Variants in CIITA observed in about 807,000 individuals in gnomAD.
The protein encoded by CIITA is MHC class II transactivator.
Under a neutral mutation model 115.1 loss-of-function variants are expected in CIITA, and 72 were observed. The observed-to-expected ratio is 0.63, with a 90% CI of 0.52 to 0.76. The LOEUF is 0.76. CIITA is among the 30% of genes least tolerant of loss of function. The pLI is 0.00. For missense variants in CIITA, 1,617 were observed against 1,463.8 expected (o/e 1.10, Z -1.71); for synonymous variants, 763 against 635.6 (o/e 1.20, Z -3.02).
chr16:10,906,471 C>A, intron 10 of CIITA, 28 bp from the exon 11 acceptor site: 1 of 1,610,438 alleles, frequency 6.2e-7, no homozygotes, highest in Non-Finnish European at 8.5e-7. Context: ...CACATACCCC[C>A]ACCCTGACAC....
At chr16:10,918,309 C>T in intron 15 of CIITA, 131 bp from the exon 16 acceptor site, 1 of 860,944 alleles carries the variant, frequency 1.2e-6, no homozygotes, top group Non-Finnish European at 2.0e-6. Context: ...ACAGTATCCT[C>T]CTATTTACCG....
At chr16:10,914,990 T>C in intron 13 of CIITA, 1 of 451,938 alleles carries the variant, frequency 2.2e-6, no homozygotes, top group South Asian at 1.6e-5. Flanking sequence ...GCTCCCTACT[T>C]AGAGACAAAA....
Position 10,914,980 on chromosome 16 carries a change from G to A in CIITA, c.2889-590G>A, listed in dbSNP as rs2039849275. 9.0e-6 allele frequency: 4 copies of A among 446,580 alleles called. No individual in the cohort carries two copies. In the Admixed American group the frequency reaches 9.9e-5, roughly 11 times the overall value. 27.7% of individuals were successfully genotyped at this position (446,580 alleles called of 1,614,324 possible). ...TGGATGTTGGGAAGAGTAAGAACTG[G>A]CTCCCTACTTAGAGACAAAAGCTGG... On this transcript the variant is annotated intron_variant, in intron 13 of 19. Coordinates refer to ENST00000324288, the MANE Select transcript of CIITA (RefSeq NM_000246.4).
rs974254382 is a variant in CIITA, at chr16:10,925,562, A to C, written c.*1707A>C. The C allele has an allele frequency of 3.3e-5, 5 of 152,388 alleles. No homozygotes were observed. The highest frequency in any genetic ancestry group is 1.2e-4 in the African/African-American group (5 of 41,458). The allele number at this position is 152,388 out of a possible 1,614,324, so 9.4% of individuals were successfully genotyped here. On this transcript the variant is annotated 3_prime_UTR_variant, in exon 20 of 20. Transcript: ENST00000324288. ...TGGCCTCAAGTGATTCTCCTGCCTC[A>C]GCCTCCCAAAGTGCTGGGATTACAG... is the stretch of plus-strand genomic sequence containing the variant.
In CIITA at chr16:10,920,559, T is replaced by C. The variant is rs537955964; in HGVS notation, c.3150-1608T>C. ...ACCATGCCCAGCCTGATTTACCCTT[T>C]AAGAAACATCATATTTCATGGAATC... On this transcript the variant is annotated intron_variant, in intron 16 of 19. Coordinates refer to ENST00000324288, the MANE Select transcript of CIITA (RefSeq NM_000246.4). The surrounding 1 kb of genome is among the most constrained non-coding windows in gnomAD (Gnocchi z 4.5). Among the ~76,000 whole-genome samples, 13 of 152,310 alleles carry C rather than the reference T, an allele frequency of 8.5e-5. No individual in the cohort carries two copies. The East Asian group carries it at 1.5e-3, about 18-fold the overall frequency.
chr16:10,889,386 G>C (rs765496011), intron 1 of CIITA, among the ~76,000 whole-genome samples: 11 of 152,050 alleles, frequency 7.2e-5, no homozygotes, highest in Non-Finnish European at 1.6e-4. Context: ...TAGAGTCTTG[G>C]GCCTGAATTT....
Position 10,923,284 on chromosome 16 carries a change from C to T in CIITA, c.3374C>T (p.Ser1125Leu). The T allele has an allele frequency of 1.2e-6, 2 of 1,613,694 alleles. No individual in the cohort carries two copies. The highest frequency in any genetic ancestry group is 1.7e-6 in the Non-Finnish European group (2 of 1,179,964). Reference sequence around the variant, plus strand: ...CAGGAACACCTGCAACAACAGGATTCACGGATCAGCCTGAGATGATCCCAG... The same window carrying T: ...CAGGAACACCTGCAACAACAGGATTTACGGATCAGCCTGAGATGATCCCAG... ...SVQEHLQQQD[S>L]RISLR Residue 1125 changes from serine to leucine, a missense_variant, in exon 19 of 20, where the codon TCA becomes TTA. Ser to Leu is a moderately radical substitution (Grantham distance 145). Transcript: ENST00000324288. The surrounding 1 kb of genome is among the most constrained non-coding windows in gnomAD (Gnocchi z 5.2).
intron 13 of CIITA, among the ~76,000 whole-genome samples, chr16:10,912,442 T>G (rs1596575492): frequency 6.6e-6 from 1 of 152,158 alleles, no homozygotes; most frequent in Admixed American, 6.5e-5. Flanking sequence ...ATATATAATC[T>G]CATTAATCTC....
At position 10,927,780 on chromosome 16, in the gene CIITA, T is replaced by C. The variant is rs1046094119; in HGVS notation, c.*3925T>C. ...GTGTCACAGATCTAAGTGATACTTA[T>C]AGTCACACTCCTATAAAGGAATGGA... On this transcript the variant is annotated 3_prime_UTR_variant, in exon 20 of 20. Transcript: ENST00000324288. 4 of 152,232 alleles carry C rather than the reference T, an allele frequency of 2.6e-5. No individual in the cohort carries two copies. Among genetic ancestry groups the C allele is most frequent in the African/African-American group, 7.2e-5 (3 of 41,460 alleles). The allele number at this position is 152,232 out of a possible 1,614,324, so 9.4% of individuals were successfully genotyped here. A position where few individuals can be genotyped will look rare whatever the true frequency, so the allele number is the denominator to read the frequency against.
chr16:10,871,697 A>C (rs766644365), intron 1 of CIITA, among the ~76,000 whole-genome samples: 5 of 152,094 alleles, frequency 3.3e-5, no homozygotes, highest in Non-Finnish European at 7.4e-5. Context: ...GTGCCCTCTC[A>C]CCTTCTGGGC....
At chr16:10,891,625 T>C (rs915513706) in intron 1 of CIITA, among the ~76,000 whole-genome samples, 1 of 152,088 alleles carries the variant, frequency 6.6e-6, no homozygotes, top group Non-Finnish European at 1.5e-5. Flanking sequence ...GCAATGTAGG[T>C]TCTTAATAAA....
chr16:10,895,678 C>T lies in CIITA; in HGVS notation c.209C>T (p.Thr70Ile), dbSNP rs1567391224. The T allele has an allele frequency of 6.2e-7, 1 of 1,614,178 alleles. No individual in the cohort carries two copies. Among genetic ancestry groups the T allele is most frequent in the Non-Finnish European group, 8.5e-7 (1 of 1,180,018 alleles). The change falls in exon 3 of 20, where the codon ACA (threonine) becomes ATA (isoleucine). Residue 70 changes from threonine (T) to isoleucine (I), a missense_variant. Transcript: ENST00000324288. ...EEIELYSEPD[T>I]DTINCDQFSR... ...GGACTTTTCCTCCCAGAACCCGACA[C>T]AGACACCATCAACTGCGACCAGTTC... is the stretch of plus-strand genomic sequence containing the variant.
At chr16:10,872,269 C>T (rs974149041), upstream of CIITA, among the ~76,000 whole-genome samples, 4 of 151,962 alleles carry the variant, frequency 2.6e-5, no homozygotes, top group Admixed American at 1.3e-4. Context: ...ATTACAGGCG[C>T]CTGCCACCAT....
In CIITA at chr16:10,935,988, A is replaced by AT. The variant is rs36044639; in HGVS notation, c.*12147dup. ...ATTGTTAAGGGACACTACTGGGACA[A>AT]TTTTTTTTTTTTTTCGTTTTGAGAC... On this transcript the variant is annotated 3_prime_UTR_variant, in exon 20 of 20. Transcript: ENST00000324288. 0.45 allele frequency: 65,613 copies of AT among 145,776 alleles called. 16,208 individuals are homozygous for AT. The highest frequency in any genetic ancestry group is 0.66 in the East Asian group (3,319 of 5,018). 9.0% of individuals were successfully genotyped at this position (145,776 alleles called of 1,614,324 possible).
At position 10,901,659 on chromosome 16, in the gene CIITA, G is replaced by A. The variant is rs2038769090; in HGVS notation, c.481+101G>A. 2 of 1,275,874 alleles carry A rather than the reference G, an allele frequency of 1.6e-6. No homozygotes were observed. The highest frequency in any genetic ancestry group is 2.2e-6 in the Non-Finnish European group (2 of 897,372). 79.0% of individuals were successfully genotyped at this position (1,275,874 alleles called of 1,614,324 possible). A position where few individuals can be genotyped will look rare whatever the true frequency, so the allele number is the denominator to read the frequency against. Reference sequence around the variant, plus strand: ...CCCAAGTCTGATGGGGATGGTGCATGGTGCAGCCCCTGCCCTTCTTTGGGT... The same window carrying A: ...CCCAAGTCTGATGGGGATGGTGCATAGTGCAGCCCCTGCCCTTCTTTGGGT... On this transcript the variant is annotated intron_variant, in intron 6 of 19. Transcript: ENST00000324288. The surrounding 1 kb of genome is among the most constrained non-coding windows in gnomAD (Gnocchi z 6.8).
At position 10,936,141 on chromosome 16, in the gene CIITA, C is replaced by T. The variant is rs1391036872; in HGVS notation, c.*12286C>T. On this transcript the variant is annotated 3_prime_UTR_variant, in exon 20 of 20. Transcript: ENST00000324288. ...GAGTAACTGGGACTATGGGCGTGTA[C>T]CACAACACCTCGCTATTTTTTTTTT... The T allele has an allele frequency of 1.3e-5, 2 of 152,056 alleles. No homozygotes were observed. The highest frequency in any genetic ancestry group is 2.1e-4 in the South Asian group (1 of 4,824). The allele number at this position is 152,056 out of a possible 1,614,324, so 9.4% of individuals were successfully genotyped here.
chr16:10,887,998 T>C (rs1427956994), intron 1 of CIITA, among the ~76,000 whole-genome samples: 2 of 152,078 alleles, frequency 1.3e-5, no homozygotes, highest in African/African-American at 4.8e-5. Context: ...TCTCCCAGAG[T>C]TGCCGTTAAC....
intron 16 of CIITA, 150 bp from the exon 17 acceptor site, chr16:10,922,017 C>A: frequency 1.4e-6 from 1 of 740,570 alleles, no homozygotes; most frequent in South Asian, 1.5e-5. Context: ...GTACTTGGCA[C>A]AATGCCAGGC....
At chr16:10,882,166 T>C (rs956436371) in intron 1 of CIITA, among the ~76,000 whole-genome samples, 2 of 152,254 alleles carry the variant, frequency 1.3e-5, no homozygotes, top group African/African-American at 4.8e-5. Flanking sequence ...CTTTCAACTC[T>C]AGAAAGCTTT....
Sources: gnomAD v4.1 joint callset for allele counts (sites outside exome capture counted in the v4.1 genomes callset) on GRCh38, gnomAD v4.1.1 for gene constraint, Gnocchi (gnomAD v3.1) non-coding constraint, MANE v1.5 for transcripts, NCBI Gene and HGNC (gene_info 2026-07-23, HGNC 2026-07-21) for gene names.